Variants in DHRSX observed in about 807,000 individuals in gnomAD.
DHRSX encodes polyprenol dehydrogenase.
A neutral mutation model predicts 34.0 loss-of-function variants in DHRSX; 31 were observed. The ratio of observed to expected loss-of-function variants is 0.91; its 90% CI spans 0.69 to 1.23. DHRSX has a LOEUF of 1.23. Among genes scored for constraint, DHRSX ranks in the 50% most tolerant of loss-of-function variants. The pLI is 0.00. For missense variants in DHRSX, 414 were observed against 428.1 expected, an observed-to-expected ratio of 0.97 and a Z score of 0.29; for synonymous variants, 201 against 183.8, an observed-to-expected ratio of 1.09 and a Z score of -0.76.
intron 5 of DHRSX, among the ~76,000 whole-genome samples, chrX:2,252,924 C>T (rs899439737): frequency 2.7e-4 from 41 of 149,626 alleles, no homozygotes; most frequent in Non-Finnish European, 1.0e-4. Flanking sequence ...GTGGCTCGCG[C>T]ATGTAATCTG....
At chrX:2,403,426 A>G (rs769266004) in intron 3 of DHRSX, among the ~76,000 whole-genome samples, 10 of 152,312 alleles carry the variant, frequency 6.6e-5, no homozygotes, top group African/African-American at 2.4e-4. Context: ...CGGTATTTAT[A>G]TGCCACAAGT....
intron 3 of DHRSX, among the ~76,000 whole-genome samples, chrX:2,302,931 C>T (rs1171726662): frequency 1.3e-5 from 2 of 151,938 alleles, no homozygotes; most frequent in East Asian, 1.9e-4. Flanking sequence ...GGCAGTTTTG[C>T]CATGGAGAGT....
intron 1 of DHRSX, chrX:2,490,818 C>G (rs1009027603): frequency 2.5e-5 from 37 of 1,497,040 alleles, no homozygotes; most frequent in Non-Finnish European, 3.2e-5. Context: ...GACCCAGGCA[C>G]GCACGGGAGC....
intron 1 of DHRSX, among the ~76,000 whole-genome samples, chrX:2,472,028 TCA>T (rs1399871300): frequency 6.6e-6 from 1 of 151,244 alleles, no homozygotes; most frequent in African/African-American, 2.4e-5. Context: ...GTCTGTAATC[TCA>T]GTTACTCAGA....
intron 3 of DHRSX, among the ~76,000 whole-genome samples, chrX:2,349,330 G>A (rs890751836): frequency 2.1e-5 from 3 of 145,280 alleles, no homozygotes; most frequent in Non-Finnish European, 4.5e-5. Context: ...CTGACACTCC[G>A]TCTCAAACAA....
intron 4 of DHRSX, among the ~76,000 whole-genome samples, chrX:2,268,813 G>A (rs1207647985): frequency 6.6e-6 from 1 of 152,216 alleles, no homozygotes; most frequent in African/African-American, 2.4e-5. Context: ...CAAACACACA[G>A]CATTTGTCAT....
chrX:2,369,615 G>C (rs2043033739), intron 3 of DHRSX, among the ~76,000 whole-genome samples: 1 of 152,086 alleles, frequency 6.6e-6, no homozygotes, highest in East Asian at 1.9e-4. Context: ...CCCTGCCTCA[G>C]CCTCCTAAGT....
intron 3 of DHRSX, among the ~76,000 whole-genome samples, chrX:2,328,632 C>T (rs1296561897): frequency 6.6e-6 from 1 of 152,134 alleles, no homozygotes; most frequent in Non-Finnish European, 1.5e-5. Flanking sequence ...TGTCTACAAG[C>T]CCAGCAGAGA....
chrX:2,221,638 CA>C (rs1276650328), intron 6 of DHRSX, among the ~76,000 whole-genome samples: 2 of 152,108 alleles, frequency 1.3e-5, no homozygotes, highest in Non-Finnish European at 2.9e-5. Flanking sequence ...ATCAGGACAT[CA>C]AAAAGATTCT....
At chrX:2,447,682 A>C (rs1252354082) in intron 1 of DHRSX, among the ~76,000 whole-genome samples, 1 of 151,456 alleles carries the variant, frequency 6.6e-6, no homozygotes, top group African/African-American at 2.4e-5. Context: ...ATAGACACAC[A>C]GTGGAATAGT....
At position 2,485,789 on chromosome X, in the gene DHRSX, A is replaced by AGAAGGAAG. The variant is rs1349113620; in HGVS notation, c.109+15027_109+15028insCTTCCTTC. On this transcript the variant is annotated intron_variant, in intron 1 of 6. Coordinates refer to ENST00000334651, the MANE Select transcript of DHRSX (RefSeq NM_145177.3). Reference sequence around the variant, plus strand: ...GAAGGAAGGAAGGGAGAAAAGGGAGAGAAGGGAGAGAAGGAAGGAAGGGAG... The same window carrying AGAAGGAAG: ...GAAGGAAGGAAGGGAGAAAAGGGAGAGAAGGAAGGAAGGGAGAGAAGGAAGGAAGGGAG... Among the ~76,000 whole-genome samples the AGAAGGAAG allele has an allele frequency of 2.7e-4, 7 of 25,758 alleles. No individual in the cohort carries two copies. The South Asian group carries it at 9.2e-3, about 34-fold the overall frequency. The allele number at this position is 25,758 out of a possible 152,430, so 16.9% of individuals were successfully genotyped here.
At chrX:2,348,137 G>C (rs1212988495) in intron 3 of DHRSX, among the ~76,000 whole-genome samples, 1 of 152,156 alleles carries the variant, frequency 6.6e-6, no homozygotes, top group Non-Finnish European at 1.5e-5. Context: ...CAGTGTGTTA[G>C]TATTATAGGC....
chrX:2,484,425 A>G (rs571255791), intron 1 of DHRSX, among the ~76,000 whole-genome samples: 1 of 152,326 alleles, frequency 6.6e-6, no homozygotes, highest in East Asian at 1.9e-4. Flanking sequence ...CTGCAACACA[A>G]AAGGACAGGC....
At chrX:2,239,731 C>T (rs1056764804) in intron 6 of DHRSX, among the ~76,000 whole-genome samples, 11 of 150,666 alleles carry the variant, frequency 7.3e-5, no homozygotes, top group African/African-American at 2.2e-4. Context: ...ATCGCGCCAA[C>T]GCACTCCAGC....
intron 1 of DHRSX, among the ~76,000 whole-genome samples, chrX:2,427,193 G>C (rs2043861124): frequency 6.6e-6 from 1 of 152,234 alleles, no homozygotes. Flanking sequence ...TGTTGTGACG[G>C]TGAGAGCAAA....
chrX:2,472,393 C>A (rs1449430090), intron 1 of DHRSX, among the ~76,000 whole-genome samples: 1 of 152,040 alleles, frequency 6.6e-6, no homozygotes, highest in Non-Finnish European at 1.5e-5. Context: ...GGCTTACTAC[C>A]TGGTTGATGA....
intron 6 of DHRSX, among the ~76,000 whole-genome samples, chrX:2,242,819 C>T (rs1410045623): frequency 3.3e-5 from 5 of 152,054 alleles, no homozygotes; most frequent in Non-Finnish European, 7.4e-5. Context: ...AACCAGCGGC[C>T]GCCGGGGATG....
In DHRSX at chrX:2,356,663, C is replaced by A. The variant is rs138498213; in HGVS notation, c.286+52082G>T. ...CTCTGCCACCCCTGAGAAAGCCAGACCAACCTCCCTCTTCCTCCTTCTCCT... is the reference window on the plus strand; with the variant it reads ...CTCTGCCACCCCTGAGAAAGCCAGAACAACCTCCCTCTTCCTCCTTCTCCT... On this transcript the variant is annotated intron_variant, in intron 3 of 6. Coordinates refer to ENST00000334651, the MANE Select transcript of DHRSX (RefSeq NM_145177.3). 8.0e-3 allele frequency among the ~76,000 whole-genome samples: 1,218 copies of A among 152,254 alleles called. 70 individuals carry two copies. Among genetic ancestry groups the A allele is most frequent in the Non-Finnish European group, 1.6e-3 (108 of 68,014 alleles).
intron 3 of DHRSX, among the ~76,000 whole-genome samples, chrX:2,391,793 G>A (rs1401699700): frequency 1.3e-5 from 2 of 152,074 alleles, no homozygotes; most frequent in Non-Finnish European, 2.9e-5. Flanking sequence ...TGGGTGTGGT[G>A]GGACACACCT....
Sources: gnomAD v4.1 joint callset for allele counts (sites outside exome capture counted in the v4.1 genomes callset) on GRCh38, gnomAD v4.1.1 for gene constraint, MANE v1.5 for transcripts, NCBI Gene and HGNC (gene_info 2026-07-23, HGNC 2026-07-21) for gene names.